Variants in MIA2 observed in about 807,000 individuals in gnomAD.
The protein encoded by MIA2 is melanoma inhibitory activity protein 2.
Under a neutral mutation model 167.8 loss-of-function variants are expected in MIA2, and 127 were observed. The ratio of observed to expected loss-of-function variants is 0.76; its 90% CI spans 0.66 to 0.88. The LOEUF (loss-of-function observed/expected upper bound fraction) is 0.88. MIA2 is among the 40% of genes least tolerant of loss of function. MIA2 has a pLI of 0.00. For missense variants in MIA2, 1,690 were observed against 1,624.7 expected (o/e 1.04, Z -0.69); for synonymous variants, 552 against 541.9 (o/e 1.02, Z -0.26).
chr14:39,276,773 T>A, intron 6 of MIA2, 161 bp from the exon 7 acceptor site: 1 of 648,534 alleles, frequency 1.5e-6, no homozygotes, highest in East Asian at 2.9e-5. Context: ...TACTTGGCGA[T>A]AGTGATTGAA....
In MIA2 at chr14:39,319,190, GT is replaced by G; in HGVS notation, c.3285-16del. On this transcript the variant is annotated intron_variant, in intron 22 of 28. Transcript: ENST00000640607. ...TCTCTTGGATGAGTAACTTAGAGAT[GT>G]TTGTTCTTTATTTGCAGATTAACTG... The G allele has an allele frequency of 7.0e-7, 1 of 1,426,268 alleles. No individual in the cohort carries two copies. The highest frequency in any genetic ancestry group is 9.5e-7 in the Non-Finnish European group (1 of 1,048,966). The allele number at this position is 1,426,268 out of a possible 1,614,324, so 88.4% of individuals were successfully genotyped here.
At chr14:39,237,100 C>T (rs968978262) in intron 2 of MIA2, 45 bp downstream of exon 2, 8 of 1,597,734 alleles carry the variant, frequency 5.0e-6, no homozygotes, top group African/African-American at 1.3e-5. Context: ...AAATGACCAA[C>T]TTGCACAAAG....
At position 39,348,809 on chromosome 14, in the gene MIA2, C is replaced by T. The variant is rs1414362304; in HGVS notation, c.3904C>T (p.Pro1302Ser). The change falls in exon 28 of 29, where the codon CCA becomes TCA. Residue 1302 changes from proline to serine, a missense_variant. Physicochemically the swap from Pro to Ser is moderately conservative, Grantham distance 74. Coordinates refer to ENST00000640607, the MANE Select transcript of MIA2 (RefSeq NM_001329214.4). ...NEATGPGFVP[P>S]PLAPIRGPLF... ...AGCCACTGGCCCTGGCTTTGTTCCT[C>T]CACCTCTTGCTCCAATCAGAGGTCC... The T allele has an allele frequency of 6.2e-7, 1 of 1,613,846 alleles. No individual in the cohort carries two copies. The highest frequency in any genetic ancestry group is 1.7e-5 in the Admixed American group (1 of 59,990).
At chr14:39,315,421 A>T (rs2065231288) in intron 20 of MIA2, 1 of 339,420 alleles carries the variant, frequency 2.9e-6, no homozygotes. Flanking sequence ...CAGGCTAGTT[A>T]TATGTTAACT....
downstream of MIA2, among the ~76,000 whole-genome samples, chr14:39,355,919 A>C (rs1446353649): frequency 6.6e-6 from 1 of 152,164 alleles, no homozygotes; most frequent in African/African-American, 2.4e-5. Flanking sequence ...ATCATGGTGG[A>C]TAAGCTTTTT....
intron 6 of MIA2, among the ~76,000 whole-genome samples, chr14:39,254,722 T>A (rs1398752232): frequency 1.3e-5 from 2 of 151,816 alleles, no homozygotes; most frequent in African/African-American, 4.9e-5. Flanking sequence ...AATCTCACAA[T>A]TTTTAATACT....
chr14:39,365,867 T>G (rs2074811434), intron 23 of MIA2, among the ~76,000 whole-genome samples: 5 of 152,366 alleles, frequency 3.3e-5, no homozygotes. Flanking sequence ...TTTGTTTCTC[T>G]GGCTGTGTCA....
At chr14:39,327,082 A>G in intron 25 of MIA2, 60 bp downstream of exon 25, 1 of 1,299,596 alleles carries the variant, frequency 7.7e-7, no homozygotes, top group South Asian at 2.2e-5. Flanking sequence ...TGGAATACAC[A>G]GGAATGGAAG....
At chr14:39,346,448 C>G (rs2073269644) in intron 26 of MIA2, among the ~76,000 whole-genome samples, 1 of 152,010 alleles carries the variant, frequency 6.6e-6, no homozygotes, top group South Asian at 2.1e-4. Flanking sequence ...ACATTTCATG[C>G]TTAGATATAA....
chr14:39,336,509 A>G (rs2070449544), intron 25 of MIA2, among the ~76,000 whole-genome samples: 1 of 152,210 alleles, frequency 6.6e-6, no homozygotes, highest in Admixed American at 6.5e-5. Context: ...TAGTACACAA[A>G]TTTGGCTACC....
chr14:39,273,245 T>C (rs2057438961), intron 6 of MIA2, among the ~76,000 whole-genome samples: 1 of 152,050 alleles, frequency 6.6e-6, no homozygotes, highest in East Asian at 1.9e-4. Flanking sequence ...CTTTTTTTTT[T>C]TTTTTTTCCT....
At chr14:39,376,327 T>G (rs1341300765) in intron 23 of MIA2, among the ~76,000 whole-genome samples, 1 of 152,218 alleles carries the variant, frequency 6.6e-6, no homozygotes, top group East Asian at 1.9e-4. Context: ...TTTTCAATAT[T>G]GAAATTAAAT....
chr14:39,361,884 T>G (rs1261873874), intron 23 of MIA2, among the ~76,000 whole-genome samples: 1 of 152,178 alleles, frequency 6.6e-6, no homozygotes, highest in Non-Finnish European at 1.5e-5. Context: ...CCTTCTGTAT[T>G]TAGTGTTTTG....
In MIA2 at chr14:39,348,930, A is replaced by G. The variant is rs745606362; in HGVS notation, c.4025A>G (p.Tyr1342Cys). The change falls in exon 28 of 29, where the codon TAT becomes TGT. Residue 1342 changes from tyrosine to cysteine, a missense_variant. Tyr to Cys is a radical substitution (Grantham distance 194). Transcript: ENST00000640607. ...PGAMFGASRD[Y>C]FPPGDFPGPP... ...GCCATGTTTGGAGCTTCTCGAGATT[A>G]TTTTCCACCAGGGGATTTCCCAGGT... The G allele has an allele frequency of 2.9e-5, 47 of 1,613,814 alleles. No individual in the cohort carries two copies. In the South Asian group the frequency reaches 4.5e-4, roughly 15 times the overall value.
In MIA2 at chr14:39,376,743, T is replaced by G. The variant is rs559359305; in HGVS notation, c.2249-10142T>G. Among the ~76,000 whole-genome samples, 20 of 152,298 alleles carry G rather than the reference T, an allele frequency of 1.3e-4. 1 individual carries two copies. The East Asian group carries it at 3.9e-3, about 29-fold the overall frequency. On this transcript the variant is annotated intron_variant, in intron 23 of 23. Coordinates refer to the MIA2 transcript ENST00000341502. ...AGATGATTTTGAGGGCTTCAATATT[T>G]AAAGGGGCAAAGCAGGCTGGAGGGG...
At chr14:39,360,511 A>ATTT (rs2074658321) in intron 23 of MIA2, among the ~76,000 whole-genome samples, 1 of 149,812 alleles carries the variant, frequency 6.7e-6, no homozygotes, top group East Asian at 2.0e-4. Context: ...TCTTTTAACC[A>ATTT]TTGAGTGCCT....
At chr14:39,245,446 C>T (rs2054256092) in intron 3 of MIA2, among the ~76,000 whole-genome samples, 2 of 151,932 alleles carry the variant, frequency 1.3e-5, no homozygotes, top group South Asian at 4.2e-4. Flanking sequence ...TTTGTTGGGC[C>T]ACATTCAAAG....
intron 25 of MIA2, among the ~76,000 whole-genome samples, chr14:39,328,642 A>G (rs77720412): frequency 1.2e-4 from 18 of 152,092 alleles, no homozygotes; most frequent in Admixed American, 6.5e-5. Flanking sequence ...TGATTTTTGT[A>G]TAAGGTGCAG....
chr14:39,383,882 A>G (rs1003450606), intron 23 of MIA2, among the ~76,000 whole-genome samples: 8 of 152,230 alleles, frequency 5.3e-5, no homozygotes, highest in Non-Finnish European at 1.5e-5. Flanking sequence ...GAAAAGTTTG[A>G]TGCTAGCAGA....
Sources: allele counts gnomAD v4.1 joint callset (sites outside exome capture counted in the v4.1 genomes callset), GRCh38; gene constraint gnomAD v4.1.1; transcripts MANE v1.5; gene names NCBI Gene and HGNC (gene_info 2026-07-23, HGNC 2026-07-21).